KCNH8: variants seen among roughly 807,000 people sequenced by gnomAD.
KCNH8 encodes voltage-gated delayed rectifier potassium channel KCNH8.
Under a neutral mutation model 103.6 loss-of-function variants are expected in KCNH8, and 70 were observed. That is an observed-to-expected ratio of 0.68 (90% CI 0.56 to 0.82). The LOEUF (loss-of-function observed/expected upper bound fraction) is 0.82. KCNH8 is among the 40% of genes least tolerant of loss of function. The pLI is 0.00. For synonymous variants in KCNH8, 498 were observed against 489.4 expected (o/e 1.02, Z -0.23); for missense variants, 1,217 against 1,329.9 (o/e 0.92, Z 1.32).
At chr3:19,465,500 T>C (rs936410830) in intron 11 of KCNH8, among the ~76,000 whole-genome samples, 4 of 152,166 alleles carry the variant, frequency 2.6e-5, no homozygotes, top group East Asian at 1.9e-4. Flanking sequence ...AGGATATTAA[T>C]GCAGTTCTCA....
intron 7 of KCNH8, among the ~76,000 whole-genome samples, chr3:19,422,187 A>C (rs1409745721): frequency 1.3e-5 from 2 of 152,104 alleles, no homozygotes; most frequent in Non-Finnish European, 2.9e-5. Flanking sequence ...GATGTCTTGC[A>C]AATAGTCATT....
At chr3:19,270,197 T>G (rs1575483947) in intron 2 of KCNH8, among the ~76,000 whole-genome samples, 1 of 152,214 alleles carries the variant, frequency 6.6e-6, no homozygotes, top group East Asian at 1.9e-4. Flanking sequence ...AAAGCAAAGT[T>G]GAGTAGTTGA....
At chr3:19,153,920 C>T (rs2125180287) in intron 1 of KCNH8, among the ~76,000 whole-genome samples, 1 of 152,306 alleles carries the variant, frequency 6.6e-6, no homozygotes, top group East Asian at 1.9e-4. Flanking sequence ...GCGTGAGCCA[C>T]TGCACCTGGC....
chr3:19,209,209 G>A (rs935116674), intron 1 of KCNH8, among the ~76,000 whole-genome samples: 1 of 151,848 alleles, frequency 6.6e-6, no homozygotes, highest in East Asian at 1.9e-4. Context: ...AACTGCTTTG[G>A]CAATAGCTTT....
chr3:19,405,331 A>ACTT (rs1211004430), intron 7 of KCNH8, among the ~76,000 whole-genome samples: 1 of 151,758 alleles, frequency 6.6e-6, no homozygotes, highest in East Asian at 1.9e-4. Context: ...AAATCTAGTG[A>ACTT]CTTTAAATTA....
At chr3:19,422,830 G>A (rs1372291870) in intron 7 of KCNH8, among the ~76,000 whole-genome samples, 1 of 152,042 alleles carries the variant, frequency 6.6e-6, no homozygotes, top group African/African-American at 2.4e-5. Context: ...AGTGTGTTGA[G>A]ACCTCCAGTG....
intron 11 of KCNH8, among the ~76,000 whole-genome samples, chr3:19,467,938 C>T (rs938531822): frequency 6.6e-6 from 1 of 151,984 alleles, no homozygotes; most frequent in Non-Finnish European, 1.5e-5. Flanking sequence ...AGGCAGGCTC[C>T]ACCCACCTCA....
intron 5 of KCNH8, among the ~76,000 whole-genome samples, chr3:19,367,764 A>G (rs1387967727): frequency 1.3e-5 from 2 of 151,940 alleles, no homozygotes; most frequent in Non-Finnish European, 2.9e-5. Context: ...TTTAAACAGC[A>G]CAGCCTACTT....
intron 3 of KCNH8, among the ~76,000 whole-genome samples, chr3:19,341,681 A>G (rs899734611): frequency 6.6e-6 from 1 of 152,122 alleles, no homozygotes; most frequent in African/African-American, 2.4e-5. Context: ...AATCAATACA[A>G]ATGAACAATA....
At chr3:19,390,710 T>C in intron 6 of KCNH8, 72 bp downstream of exon 6, 1 of 1,432,738 alleles carries the variant, frequency 7.0e-7, no homozygotes, top group Non-Finnish European at 9.5e-7. Context: ...TTTTAAATGC[T>C]TGTGGCGATT....
At chr3:19,220,584 A>G (rs2063863830) in intron 1 of KCNH8, among the ~76,000 whole-genome samples, 1 of 146,444 alleles carries the variant, frequency 6.8e-6, no homozygotes. Context: ...GGGAAACATG[A>G]CACTGATTTT....
chr3:19,338,320 G>T (rs375589606), intron 3 of KCNH8, among the ~76,000 whole-genome samples: 1 of 151,602 alleles, frequency 6.6e-6, no homozygotes, highest in African/African-American at 2.4e-5. Flanking sequence ...TTTGCTCCTC[G>T]ACCCTATCTT....
intron 1 of KCNH8, among the ~76,000 whole-genome samples, chr3:19,250,298 A>C (rs1023374457): frequency 6.6e-6 from 1 of 152,146 alleles, no homozygotes; most frequent in Non-Finnish European, 1.5e-5. Flanking sequence ...TAGTGAAGAG[A>C]ATGCAAAAAT....
rs1238469826 is a variant in KCNH8, at chr3:19,506,388, G to C, written c.2041-3975G>C. ...TTGTGCAGGGCCTTTATTTTTAGCT[G>C]AGCTCTTGTCTTTGGTTTCACAGAG... On this transcript the variant is annotated intron_variant, in intron 11 of 15. Transcript: ENST00000328405. 2.0e-5 allele frequency among the ~76,000 whole-genome samples: 3 copies of C among 152,144 alleles called. No individual in the cohort carries two copies. In the East Asian group the frequency reaches 5.8e-4, roughly 29 times the overall value.
At chr3:19,426,877 CCTT>C (rs1308347065) in intron 7 of KCNH8, among the ~76,000 whole-genome samples, 4 of 152,132 alleles carry the variant, frequency 2.6e-5, no homozygotes, top group African/African-American at 9.7e-5. Flanking sequence ...ATAAATATTT[CCTT>C]CTTCATGCAA....
intron 2 of KCNH8, among the ~76,000 whole-genome samples, chr3:19,272,149 C>T (rs1304384389): frequency 6.6e-6 from 1 of 151,902 alleles, no homozygotes; most frequent in Non-Finnish European, 1.5e-5. Flanking sequence ...ATTAAAATTA[C>T]CAGAAGAGAA....
Position 19,198,112 on chromosome 3 carries a change from G to A in KCNH8, c.76+49317G>A, listed in dbSNP as rs778889594. Reference sequence around the variant, plus strand: ...AATTGCAAACATTTATTGAGTATTCGTCATGTGCCTGACATAGAGATAAAA... The same window carrying A: ...AATTGCAAACATTTATTGAGTATTCATCATGTGCCTGACATAGAGATAAAA... On this transcript the variant is annotated intron_variant, in intron 1 of 15. Transcript: ENST00000328405. 1.4e-4 allele frequency among the ~76,000 whole-genome samples: 22 copies of A among 152,050 alleles called. 1 individual carries two copies. Among genetic ancestry groups the A allele is most frequent in the African/African-American group, 3.6e-4 (15 of 41,504 alleles).
chr3:19,172,823 T>G (rs1052573829), intron 1 of KCNH8, among the ~76,000 whole-genome samples: 3 of 152,140 alleles, frequency 2.0e-5, no homozygotes, highest in African/African-American at 7.2e-5. Flanking sequence ...AGAAGTTACC[T>G]TCCCCCTTCC....
rs2125130707 is a variant in KCNH8 at position 19,390,474 on chromosome 3, C to T, written c.812-7C>T. ...TTTTATTTCTCAACCTTTTTTTTCC[C>T]AAGCAGATATTATTTTAAATTTCCG... On this transcript the variant is annotated splice_region_variant and splice_polypyrimidine_tract_variant and intron_variant, in intron 5 of 15. Transcript: ENST00000328405. 1 of 1,596,234 alleles carries T rather than the reference C, an allele frequency of 6.3e-7. No homozygotes were observed. The highest frequency in any genetic ancestry group is 2.3e-5 in the East Asian group (1 of 44,440).
Sources: allele counts gnomAD v4.1 joint callset (sites outside exome capture counted in the v4.1 genomes callset), GRCh38; gene constraint gnomAD v4.1.1; transcripts MANE v1.5; gene names NCBI Gene and HGNC (gene_info 2026-07-23, HGNC 2026-07-21).